Variants in EFCAB6 observed in about 807,000 individuals in gnomAD.
EFCAB6 encodes the protein EF-hand calcium binding domain 6, also known as EF-hand calcium-binding domain-containing protein 6.
In EFCAB6, 156 loss-of-function variants were observed where a neutral mutation model predicts 169.8. The ratio of observed to expected loss-of-function variants is 0.92; its 90% CI spans 0.81 to 1.05. The LOEUF (loss-of-function observed/expected upper bound fraction) is 1.05. Ranked by LOEUF, EFCAB6 falls within the 50% of genes least tolerant of loss-of-function variation. The pLI is 0.00. For missense variants in EFCAB6, 1,800 were observed against 1,829.1 expected, an observed-to-expected ratio of 0.98 and a Z score of 0.29; for synonymous variants, 698 against 676.4, an observed-to-expected ratio of 1.03 and a Z score of -0.50.
rs141461784 is a variant in EFCAB6 at position 43,623,633 on chromosome 22, C to T, written c.2465+2814G>A. ...GTATCCGGCCAGGCGCGGTGGCTCA[C>T]GCCTGTAATCCCAGCACTTTGGGAG... On this transcript the variant is annotated intron_variant, in intron 20 of 31. Coordinates refer to ENST00000262726, the MANE Select transcript of EFCAB6 (RefSeq NM_022785.4). Among the ~76,000 whole-genome samples, 80 of 150,570 alleles carry T rather than the reference C, an allele frequency of 5.3e-4. 4 individuals carry two copies. In the East Asian group the frequency reaches 0.012, roughly 23 times the overall value.
intron 17 of EFCAB6, among the ~76,000 whole-genome samples, chr22:43,663,877 A>G (rs974470463): frequency 2.6e-5 from 4 of 152,204 alleles, no homozygotes; most frequent in African/African-American, 7.2e-5. Context: ...CTGGACTTCC[A>G]GCCTCCGGAA....
chr22:43,760,272 G>C (rs2147894671), intron 5 of EFCAB6, among the ~76,000 whole-genome samples: 1 of 151,886 alleles, frequency 6.6e-6, no homozygotes, highest in South Asian at 2.1e-4. Flanking sequence ...AGAGTTCTGG[G>C]ATGGCAAATA....
At chr22:43,586,555 C>T (rs1478579951) in intron 24 of EFCAB6, among the ~76,000 whole-genome samples, 1 of 151,864 alleles carries the variant, frequency 6.6e-6, no homozygotes, top group African/African-American at 2.4e-5. Flanking sequence ...ATTATACAGA[C>T]AGAAATAGGA....
Position 43,600,103 on chromosome 22 carries a change from G to C in EFCAB6, c.2842C>G (p.Leu948Val), listed in dbSNP as rs1391966787. Residue 948 changes from leucine (L) to valine (V), a missense_variant, in exon 23 of 32, where the codon CTG becomes GTG. Coordinates refer to ENST00000262726, the MANE Select transcript of EFCAB6 (RefSeq NM_022785.4). The stretch of plus-strand genomic sequence containing the variant: ...ACAGCCTTCTCTGTGCTCTGCTGCA[G>C]CTCCTTCATCTCTTCCTGTAGCTGC... ...PQQLQEEMKE[L>V]QQSTEKAVAA... 6.2e-7 allele frequency: 1 copy of C among 1,614,124 alleles called. No homozygotes were observed. The highest frequency in any genetic ancestry group is 8.5e-7 in the Non-Finnish European group (1 of 1,180,028).
chr22:43,542,108 G>A (rs532112246), intron 27 of EFCAB6, among the ~76,000 whole-genome samples: 1 of 152,368 alleles, frequency 6.6e-6, no homozygotes, highest in Admixed American at 6.5e-5. Flanking sequence ...TGTTTGAGCT[G>A]GACTCGGAGC....
In EFCAB6 at chr22:43,685,181, G is replaced by A. The variant is rs756790768; in HGVS notation, c.1143-1326C>T. Reference sequence around the variant, plus strand: ...GAAATTAAGTTTGGTTTAAGGAGATGCCTCTGGGTACCAAGTTGCCGAGAG... The same window carrying A: ...GAAATTAAGTTTGGTTTAAGGAGATACCTCTGGGTACCAAGTTGCCGAGAG... On this transcript the variant is annotated intron_variant, in intron 11 of 31. Transcript: ENST00000262726. 7.1e-4 allele frequency among the ~76,000 whole-genome samples: 108 copies of A among 152,318 alleles called. 1 individual carries two copies. The highest frequency in any genetic ancestry group is 2.6e-4 in the Non-Finnish European group (18 of 68,026).
At chr22:43,586,340 ATTTT>A (rs36058832) in intron 24 of EFCAB6, among the ~76,000 whole-genome samples, 43 of 72,924 alleles carry the variant, frequency 5.9e-4, no homozygotes, top group African/African-American at 2.1e-3. Context: ...GCAACAACTG[ATTTT>A]TTTTTTTTTT....
chr22:43,604,127 C>T (rs2052739043), intron 22 of EFCAB6, among the ~76,000 whole-genome samples: 2 of 152,130 alleles, frequency 1.3e-5, no homozygotes, highest in African/African-American at 4.8e-5. Context: ...CAGATGCCAG[C>T]ATCACACTTC....
At chr22:43,764,330 T>C (rs771054167) in intron 5 of EFCAB6, among the ~76,000 whole-genome samples, 6 of 152,210 alleles carry the variant, frequency 3.9e-5, no homozygotes, top group African/African-American at 7.2e-5. Flanking sequence ...TGCATTAATT[T>C]GCTTAGTATA....
chr22:43,695,785 T>A (rs1314425238), intron 10 of EFCAB6, among the ~76,000 whole-genome samples: 1 of 152,054 alleles, frequency 6.6e-6, no homozygotes, highest in East Asian at 1.9e-4. Context: ...GGAAACAGAA[T>A]TAACCTTGAC....
chr22:43,792,578 G>A lies in EFCAB6; in HGVS notation c.-7-10253C>T, dbSNP rs182746631. On this transcript the variant is annotated intron_variant, in intron 2 of 31. Transcript: ENST00000262726. ...ACTCAATTATTTATTGGGGACTCGC[G>A]GAGTCAAGAAATGTGCTAATATTTA... is the stretch of plus-strand genomic sequence containing the variant. Among the ~76,000 whole-genome samples the A allele has an allele frequency of 6.1e-4, 93 of 152,266 alleles. 1 individual carries two copies. The highest frequency in any genetic ancestry group is 2.2e-3 in the African/African-American group (91 of 41,554).
intron 17 of EFCAB6, among the ~76,000 whole-genome samples, chr22:43,637,212 G>A (rs2055473166): frequency 1.3e-5 from 2 of 152,202 alleles, no homozygotes; most frequent in South Asian, 4.1e-4. Context: ...CCTGCCTCCA[G>A]GTTTTGATAG....
At chr22:43,802,233 A>G (rs558378808) in intron 2 of EFCAB6, among the ~76,000 whole-genome samples, 1 of 152,314 alleles carries the variant, frequency 6.6e-6, no homozygotes, top group African/African-American at 2.4e-5. Flanking sequence ...GTTGAATAGG[A>G]CATGAAAGAA....
intron 26 of EFCAB6, among the ~76,000 whole-genome samples, chr22:43,570,365 A>T (rs1054834827): frequency 2.6e-5 from 4 of 152,206 alleles, no homozygotes; most frequent in Admixed American, 2.0e-4. Context: ...CTATTTCTGC[A>T]CTGAGTGTTA....
rs190615432 is a variant in EFCAB6, at chr22:43,805,515, A to G, written c.-8+3480T>C. ...AGCTCAAAAAGTGGATTTCATAAAG[A>G]TAGAGTAAACTGGTGGTTAGCACAG... On this transcript the variant is annotated intron_variant, in intron 2 of 31. Transcript: ENST00000262726. Among the ~76,000 whole-genome samples the G allele has an allele frequency of 4.7e-3, 714 of 152,292 alleles. 5 individuals carry two copies. Among genetic ancestry groups the G allele is most frequent in the Non-Finnish European group, 7.2e-3 (493 of 68,020 alleles).
At chr22:43,705,971 TAAAC>T (rs1234714145) in intron 10 of EFCAB6, among the ~76,000 whole-genome samples, 3 of 151,788 alleles carry the variant, frequency 2.0e-5, no homozygotes, top group African/African-American at 4.8e-5. Context: ...ATAAACAAAA[TAAAC>T]AAATATTTAC....
chr22:43,730,642 A>G (rs2147609132), intron 8 of EFCAB6, among the ~76,000 whole-genome samples: 1 of 152,202 alleles, frequency 6.6e-6, no homozygotes, highest in South Asian at 2.1e-4. Context: ...TGCCACGGAG[A>G]GATGCCAAGA....
At chr22:43,555,684 C>T (rs1265447734) in intron 26 of EFCAB6, among the ~76,000 whole-genome samples, 4 of 152,348 alleles carry the variant, frequency 2.6e-5, no homozygotes, top group African/African-American at 9.6e-5. Flanking sequence ...AGGGTGACCT[C>T]CCCACAGTGG....
In EFCAB6 at chr22:43,716,954, T is replaced by G. The variant is rs1158954326; in HGVS notation, c.776A>C (p.Gln259Pro). ...MGNQEVSLEN[Q>P]QAKNSKKERL... Reference sequence around the variant, plus strand: ...TTCCTTTTTGGAATTTTTGGCTTGTTGATTCTCCAACGAGACCTCTGTTGA... The same window carrying G: ...TTCCTTTTTGGAATTTTTGGCTTGTGGATTCTCCAACGAGACCTCTGTTGA... The change falls in exon 9 of 32, where the codon CAA (glutamine) becomes CCA (proline). Residue 259 changes from glutamine (Q) to proline (P), a missense_variant. Physicochemically the swap from Gln to Pro is moderately conservative, Grantham distance 76. Coordinates refer to ENST00000262726, the MANE Select transcript of EFCAB6 (RefSeq NM_022785.4). The G allele has an allele frequency of 6.4e-7, 1 of 1,565,376 alleles. No individual in the cohort carries two copies.
Sources: gnomAD v4.1 joint callset for allele counts (sites outside exome capture counted in the v4.1 genomes callset) on GRCh38, gnomAD v4.1.1 for gene constraint, MANE v1.5 for transcripts, NCBI Gene and HGNC (gene_info 2026-07-23, HGNC 2026-07-21) for gene names.